APPL1: variants seen among roughly 807,000 people sequenced by gnomAD.
The protein encoded by APPL1 is DCC-interacting protein 13-alpha.
A neutral mutation model predicts 106.8 loss-of-function variants in APPL1; 42 were observed. The ratio of observed to expected loss-of-function variants is 0.39; its 90% CI spans 0.31 to 0.51. The LOEUF (loss-of-function observed/expected upper bound fraction) is 0.51. Among genes scored for constraint, APPL1 ranks in the 20% least tolerant of loss-of-function variants. APPL1 has a pLI of 0.75. For synonymous variants in APPL1, 263 were observed against 281.8 expected (o/e 0.93, Z 0.67); for missense variants, 769 against 858.2 (o/e 0.90, Z 1.30).
chr3:57,238,677 A>C (rs1431873343), intron 4 of APPL1, among the ~76,000 whole-genome samples: 4 of 152,228 alleles, frequency 2.6e-5, no homozygotes, highest in Non-Finnish European at 5.9e-5. Flanking sequence ...TAGACTCTTA[A>C]CTGGAAAAGT....
intron 4 of APPL1, among the ~76,000 whole-genome samples, chr3:57,240,077 T>C (rs1176643077): frequency 6.6e-6 from 1 of 151,838 alleles, no homozygotes; most frequent in South Asian, 2.1e-4. Flanking sequence ...TCTTTCTAGA[T>C]ACAAGTTACT....
At chr3:57,238,920 T>C (rs2060730939) in intron 4 of APPL1, among the ~76,000 whole-genome samples, 1 of 152,202 alleles carries the variant, frequency 6.6e-6, no homozygotes, top group Admixed American at 6.5e-5. Flanking sequence ...CGTTAAGCAG[T>C]GTATTAGTCT....
At chr3:57,252,373 C>A in intron 12 of APPL1, 62 bp downstream of exon 12, 1 of 1,245,964 alleles carries the variant, frequency 8.0e-7, no homozygotes, top group Non-Finnish European at 1.1e-6. Flanking sequence ...GATGACAAAA[C>A]ATATATTAAT....
chr3:57,260,651 G>T lies in APPL1; in HGVS notation c.1719G>T (p.Leu573Phe). The T allele has an allele frequency of 6.2e-7, 1 of 1,610,384 alleles. No individual in the cohort carries two copies. Among genetic ancestry groups the T allele is most frequent in the Admixed American group, 1.7e-5 (1 of 59,894 alleles). ...AGTTTCCATTACCTTGTGTAGTTTTGTATGCTACACACCAGGAAAATAAGC... is the reference window on the plus strand; with the variant it reads ...AGTTTCCATTACCTTGTGTAGTTTTTTATGCTACACACCAGGAAAATAAGC... The part of the protein sequence containing the change: ...RLTFPLPCVV[L>F]YATHQENKRL... The change falls in exon 19 of 22, where the codon TTG (leucine) becomes TTT (phenylalanine). Residue 573 changes from leucine (L) to phenylalanine (F), a missense_variant. Leu to Phe is a conservative substitution (Grantham distance 22). Transcript: ENST00000288266.
chr3:57,258,940 A>T, intron 15 of APPL1, 88 bp from the exon 16 acceptor site: 1 of 974,544 alleles, frequency 1.0e-6, no homozygotes, highest in African/African-American at 1.7e-5. Context: ...TTTTTTTTAA[A>T]TGTTAACTGT....
At chr3:57,240,391 T>C (rs1404622753) in intron 4 of APPL1, 74 bp from the exon 5 acceptor site, 5 of 1,155,122 alleles carry the variant, frequency 4.3e-6, no homozygotes, top group Admixed American at 3.7e-5. Flanking sequence ...TTTACTAGAT[T>C]ATGTTTAATT....
chr3:57,242,954 A>G (rs2060754561), intron 7 of APPL1, 40 bp downstream of exon 7: 9 of 1,474,598 alleles, frequency 6.1e-6, no homozygotes, highest in African/African-American at 1.4e-5. Flanking sequence ...ATAATTAACT[A>G]TTCATTAGGT....
intron 19 of APPL1, among the ~76,000 whole-genome samples, chr3:57,262,558 A>AT (rs2060872447): frequency 6.6e-6 from 1 of 150,730 alleles, no homozygotes; most frequent in Admixed American, 6.6e-5. Context: ...TGCCCGGCTA[A>AT]TTTTTTTAGT....
At chr3:57,258,528 G>T (rs552793696) in intron 15 of APPL1, among the ~76,000 whole-genome samples, 37 of 152,194 alleles carry the variant, frequency 2.4e-4, no homozygotes, top group Non-Finnish European at 5.1e-4. Context: ...TGCACACTAA[G>T]GAGGAAGGTA....
chr3:57,238,195 T>A, intron 4 of APPL1, 79 bp downstream of exon 4: 1 of 1,057,196 alleles, frequency 9.5e-7, no homozygotes, highest in Non-Finnish European at 1.4e-6. Flanking sequence ...ATTTTATGAA[T>A]AAAGCTCTAT....
intron 19 of APPL1, among the ~76,000 whole-genome samples, chr3:57,261,541 C>T (rs180969150): frequency 1.7e-4 from 26 of 152,182 alleles, no homozygotes; most frequent in East Asian, 1.2e-3. Context: ...GTTTTTGAGA[C>T]GGAGTTTCAC....
chr3:57,256,244 A>G (rs933883070), intron 13 of APPL1, among the ~76,000 whole-genome samples: 1 of 152,170 alleles, frequency 6.6e-6, no homozygotes, highest in Non-Finnish European at 1.5e-5. Flanking sequence ...AAAAATCTGT[A>G]AATTTACCAT....
chr3:57,230,613 T>C (rs947882534), intron 1 of APPL1: 5 of 277,846 alleles, frequency 1.8e-5, no homozygotes, highest in South Asian at 1.0e-4. Flanking sequence ...AACCCTTTGC[T>C]GGACTTTTAG....
intron 13 of APPL1, 59 bp from the exon 14 acceptor site, chr3:57,256,898 C>A: frequency 1.5e-6 from 2 of 1,373,068 alleles, no homozygotes; most frequent in South Asian, 2.3e-5. Flanking sequence ...GAGTTACATT[C>A]AAACTTTTGG....
intron 1 of APPL1, among the ~76,000 whole-genome samples, chr3:57,230,023 T>A (rs1354568539): frequency 6.6e-6 from 1 of 152,190 alleles, no homozygotes; most frequent in Non-Finnish European, 1.5e-5. Context: ...CTGTGCCAGC[T>A]AATTTTTAAT....
In APPL1 at chr3:57,269,529, C is replaced by G. The variant is rs1322248489; in HGVS notation, c.1984-12C>G. 1.2e-6 allele frequency: 2 copies of G among 1,606,924 alleles called. No homozygotes were observed. Among genetic ancestry groups the G allele is most frequent in the Non-Finnish European group, 1.7e-6 (2 of 1,177,446 alleles). On this transcript the variant is annotated splice_polypyrimidine_tract_variant and intron_variant, in intron 21 of 21. Coordinates refer to ENST00000288266, the MANE Select transcript of APPL1 (RefSeq NM_012096.3). ...ACAAGTAACTTAGTTTCTTTTTTGT[C>G]TTTTCCACTAGGACTTGGAAGAACA...
Position 57,253,682 on chromosome 3 carries a change from T to C in APPL1, c.1096T>C (p.Trp366Arg). 1 of 1,431,378 alleles carries C rather than the reference T, an allele frequency of 7.0e-7. No homozygotes were observed. Among genetic ancestry groups the C allele is most frequent in the Non-Finnish European group, 9.2e-7 (1 of 1,085,990 alleles). The allele number at this position is 1,431,378 out of a possible 1,614,324, so 88.7% of individuals were successfully genotyped here. ...QAESKKDHEE[W>R]ICTINNISKQ... ...ATTTTTCTATTTTTTCCTCTTGCAG[T>C]GGATCTGTACAATAAACAACATATC... The change falls in exon 13 of 22, where the codon TGG becomes CGG. Residue 366 changes from tryptophan (W) to arginine (R), a missense_variant and splice_region_variant. By Grantham distance (101) the Trp-to-Arg change is moderately radical. Transcript: ENST00000288266.
intron 6 of APPL1, 62 bp downstream of exon 6, chr3:57,242,204 CTG>C (rs1664850956): frequency 1.6e-6 from 2 of 1,259,508 alleles, no homozygotes; most frequent in Admixed American, 4.5e-5. Context: ...CAGTGCATAT[CTG>C]TGGCCAGATT....
intron 4 of APPL1, among the ~76,000 whole-genome samples, chr3:57,239,046 G>A (rs2060731603): frequency 6.6e-6 from 1 of 152,194 alleles, no homozygotes; most frequent in African/African-American, 2.4e-5. Context: ...GGCGGAAGAC[G>A]AAAGGCACAT....
Sources: gnomAD v4.1 joint callset for allele counts (sites outside exome capture counted in the v4.1 genomes callset) on GRCh38, gnomAD v4.1.1 for gene constraint, MANE v1.5 for transcripts, NCBI Gene and HGNC (gene_info 2026-07-23, HGNC 2026-07-21) for gene names.